The following AMER1 variants were observed in gnomAD, a reference collection of about 807,000 sequenced individuals.
The protein encoded by AMER1 is APC membrane recruitment protein 1, also known as RP11-403E24.2.
A neutral mutation model predicts 53.0 loss-of-function variants in AMER1; 16 were observed. The ratio of observed to expected loss-of-function variants is 0.30; its 90% CI spans 0.20 to 0.46. The LOEUF (loss-of-function observed/expected upper bound fraction) is 0.46. AMER1 is among the 20% of genes least tolerant of loss of function. The pLI is 1.00. For missense variants in AMER1, 947 were observed against 884.9 expected (o/e 1.07, Z -0.89); for synonymous variants, 354 against 331.9 (o/e 1.07, Z -0.73).
At position 64,189,510 on chromosome X, in the gene AMER1, G is replaced by GTA. The variant is rs1930184124; in HGVS notation, c.*368_*369insTA. The GTA allele has an allele frequency of 4.7e-5, 5 of 107,397 alleles. No individual in the cohort carries two copies. The highest frequency in any genetic ancestry group is 4.7e-5 in the Non-Finnish European group (4 of 85,871). 8.9% of individuals were successfully genotyped at this position (107,397 alleles called of 1,213,427 possible). A position where few individuals can be genotyped will look rare whatever the true frequency, so the allele number is the denominator to read the frequency against. ...TGTGTGTGTGTGTGTGTGTGTGTGT[G>GTA]TGTGTATATATATATATATATATAT... On this transcript the variant is annotated 3_prime_UTR_variant, in exon 2 of 2. Coordinates refer to ENST00000374869, the MANE Select transcript of AMER1 (RefSeq NM_152424.4).
intron 1 of AMER1, 87 bp downstream of exon 1, chrX:64,205,483 G>A (rs1423585061): frequency 8.9e-6 from 1 of 112,817 alleles, no homozygotes; most frequent in East Asian, 2.8e-4. Context: ...AGTCCTTAGT[G>A]CCCTCCTCCA....
rs1359565844 is a variant in AMER1, at chrX:64,186,807, C to A, written c.*3072G>T. The A allele has an allele frequency of 1.2e-5, 9 of 772,158 alleles. No individual in the cohort carries two copies. Among genetic ancestry groups the A allele is most frequent in the Non-Finnish European group, 1.4e-5 (9 of 650,332 alleles). 63.6% of individuals were successfully genotyped at this position (772,158 alleles called of 1,213,427 possible). A position where few individuals can be genotyped will look rare whatever the true frequency, so the allele number is the denominator to read the frequency against. ...AGACTCTAAAGCACCAAGAAACTGG[C>A]ATCCTGGCCCTGGGAGAGGCCTACT... On this transcript the variant is annotated 3_prime_UTR_variant, in exon 2 of 2. Coordinates refer to ENST00000374869, the MANE Select transcript of AMER1 (RefSeq NM_152424.4).
At position 64,187,089 on chromosome X, in the gene AMER1, T is replaced by G. The variant is rs752545444; in HGVS notation, c.*2790A>C. On this transcript the variant is annotated 3_prime_UTR_variant, in exon 2 of 2. Transcript: ENST00000374869. ...AACAGTTTTAGTGGTCTGGGGTGTA[T>G]TTGCTGCCACCCAAGCCAGCACTAG... The G allele has an allele frequency of 7.7e-6, 6 of 782,304 alleles. No homozygotes were observed. In the East Asian group the frequency reaches 4.2e-4, roughly 55 times the overall value. The allele number at this position is 782,304 out of a possible 1,213,427, so 64.5% of individuals were successfully genotyped here.
In AMER1 at chrX:64,187,756, C is replaced by T; in HGVS notation, c.*2123G>A. ...ATAGCCAGGCCAATTTCAGCCCCACCATCCCAGAGCAGCTTTGGTAAGAGG... is the reference window on the plus strand; with the variant it reads ...ATAGCCAGGCCAATTTCAGCCCCACTATCCCAGAGCAGCTTTGGTAAGAGG... On this transcript the variant is annotated 3_prime_UTR_variant, in exon 2 of 2. Transcript: ENST00000374869. 1.3e-6 allele frequency: 1 copy of T among 776,273 alleles called. No homozygotes were observed. The highest frequency in any genetic ancestry group is 9.0e-5 in the East Asian group (1 of 11,063). 64.0% of individuals were successfully genotyped at this position (776,273 alleles called of 1,213,427 possible).
chrX:64,186,720 C>A lies in AMER1; in HGVS notation c.*3159G>T. On this transcript the variant is annotated 3_prime_UTR_variant, in exon 2 of 2. Transcript: ENST00000374869. ...TCCGGGCAGTCTTGTGGCCTGGTAC[C>A]CAAGCTGAGGCCAGATAGGTAGGGC... is the stretch of plus-strand genomic sequence containing the variant. The A allele has an allele frequency of 1.4e-5, 11 of 776,057 alleles. No homozygotes were observed. The highest frequency in any genetic ancestry group is 1.2e-5 in the Non-Finnish European group (8 of 651,930). 64.0% of individuals were successfully genotyped at this position (776,057 alleles called of 1,213,427 possible). A position where few individuals can be genotyped will look rare whatever the true frequency, so the allele number is the denominator to read the frequency against.
Position 64,189,258 on chromosome X carries a change from C to T in AMER1, c.*621G>A. 1.3e-6 allele frequency: 1 copy of T among 795,058 alleles called. No individual in the cohort carries two copies. Among genetic ancestry groups the T allele is most frequent in the Non-Finnish European group, 1.5e-6 (1 of 664,760 alleles). 65.5% of individuals were successfully genotyped at this position (795,058 alleles called of 1,213,427 possible). On this transcript the variant is annotated 3_prime_UTR_variant, in exon 2 of 2. Coordinates refer to ENST00000374869, the MANE Select transcript of AMER1 (RefSeq NM_152424.4). ...ATCTGATATAATGATGGCAGCTATGCCAGGCCAAAAGGAATAGGGGTGGGG... is the reference window on the plus strand; with the variant it reads ...ATCTGATATAATGATGGCAGCTATGTCAGGCCAAAAGGAATAGGGGTGGGG...
At chrX:64,200,994 T>A (rs758698838) in intron 1 of AMER1, among the ~76,000 whole-genome samples, 1 of 110,890 alleles carries the variant, frequency 9.0e-6, no homozygotes, top group South Asian at 3.9e-4. Context: ...AGGGTTAGTA[T>A]CCACTTGGAA....
chrX:64,189,799 A>ACCCCCCCCCCCCCCCTCCCCC lies in AMER1; in HGVS notation c.*79_*80insGGGGGAGGGGGGGGGGGGGGG. 1 of 125,106 alleles carries ACCCCCCCCCCCCCCCTCCCCC rather than the reference A, an allele frequency of 8.0e-6. No individual in the cohort carries two copies. The highest frequency in any genetic ancestry group is 1.1e-4 in the African/African-American group (1 of 9,469). The allele number at this position is 125,106 out of a possible 1,213,427, so 10.3% of individuals were successfully genotyped here. A position where few individuals can be genotyped will look rare whatever the true frequency, so the allele number is the denominator to read the frequency against. On this transcript the variant is annotated 3_prime_UTR_variant, in exon 2 of 2. Transcript: ENST00000374869. ...GTTTTCAAGTTAAACAACAACCCCCACCCCCCCACCCTTCTGCCCAACCCC... is the reference window on the plus strand; with the variant it reads ...GTTTTCAAGTTAAACAACAACCCCCACCCCCCCCCCCCCCCTCCCCCCCCCCCCACCCTTCTGCCCAACCCC...
intron 1 of AMER1, among the ~76,000 whole-genome samples, chrX:64,200,717 G>T (rs1341633386): frequency 4.5e-5 from 5 of 111,476 alleles, no homozygotes; most frequent in Non-Finnish European, 9.4e-5. Context: ...TTACTGTTAG[G>T]CCTGGTTACC....
rs1167666179 is a variant in AMER1, at chrX:64,192,889, G to A, written c.398C>T (p.Ala133Val). The change falls in exon 2 of 2, where the codon GCC becomes GTC. Residue 133 changes from alanine (A) to valine (V), a missense_variant. Transcript: ENST00000374869. ...LPCQFPSSQSAHGALETGSRC... is the reference protein window; with the variant it reads ...LPCQFPSSQSVHGALETGSRC... ...GGAGCCTGTCTCCAAAGCCCCATGGGCACTCTGAGAGCTGGGAAATTGGCA... is the reference window on the plus strand; with the variant it reads ...GGAGCCTGTCTCCAAAGCCCCATGGACACTCTGAGAGCTGGGAAATTGGCA... The A allele has an allele frequency of 1.7e-6, 2 of 1,212,074 alleles. No homozygotes were observed. Among genetic ancestry groups the A allele is most frequent in the Admixed American group, 2.2e-5 (1 of 46,070 alleles).
In AMER1 at chrX:64,191,892, G is replaced by A; in HGVS notation, c.1395C>T (p.Pro465=). ...AGTCATAATAACCTTCATCACTATT[G>A]GGGGCGGATTCTTGCTGGTCACTCT... ...TPQSDQQESA[P]NSDEGYYDST... The change falls in exon 2 of 2, where the codon CCC becomes CCT. Residue 465 remains proline, a synonymous_variant. Coordinates refer to ENST00000374869, the MANE Select transcript of AMER1 (RefSeq NM_152424.4). 8.3e-7 allele frequency: 1 copy of A among 1,211,476 alleles called. No homozygotes were observed. The highest frequency in any genetic ancestry group is 1.1e-6 in the Non-Finnish European group (1 of 895,465).
Position 64,192,545 on chromosome X carries a change from G to T in AMER1, c.742C>A (p.Pro248Thr), listed in dbSNP as rs149688443. ...KVSPTPEPSP[P>T]ATEKMACKDP... ...TTACAGGCCATTTTCTCAGTAGCTG[G>T]TGGAGAAGGTTCTGGTGTTGGAGAA... The change falls in exon 2 of 2, where the codon CCA (proline) becomes ACA (threonine). Residue 248 changes from proline (P) to threonine (T), a missense_variant. By Grantham distance (38) the Pro-to-Thr change is conservative. Coordinates refer to ENST00000374869, the MANE Select transcript of AMER1 (RefSeq NM_152424.4). 2.0e-4 allele frequency: 236 copies of T among 1,203,731 alleles called. 1 individual carries two copies. The highest frequency in any genetic ancestry group is 2.5e-4 in the Non-Finnish European group (227 of 893,189).
Position 64,192,690 on chromosome X carries a change from C to A in AMER1, c.597G>T (p.Arg199Ser), listed in dbSNP as rs1930278809. Residue 199 changes from arginine to serine, a missense_variant, in exon 2 of 2, where the codon AGG (arginine) becomes AGT (serine). Arg to Ser is a moderately radical substitution (Grantham distance 110). Coordinates refer to ENST00000374869, the MANE Select transcript of AMER1 (RefSeq NM_152424.4). ...CGTGCTCATGAGGCCTGGCTCTGAC[C>A]CTCTCAGGCCCCTTGGCCCCTGGCT... is the stretch of plus-strand genomic sequence containing the variant. ...QSEPGAKGPE[R>S]VRARPHEHVS... 1 of 1,172,775 alleles carries A rather than the reference C, an allele frequency of 8.5e-7. No homozygotes were observed. The highest frequency in any genetic ancestry group is 1.8e-5 in the African/African-American group (1 of 56,360).
intron 1 of AMER1, 125 bp from the exon 2 acceptor site, chrX:64,193,509 G>T: frequency 2.0e-6 from 1 of 494,417 alleles, no homozygotes; most frequent in Non-Finnish European, 3.4e-6. Flanking sequence ...GAAAATGTGG[G>T]GCAAATCTTA....
At chrX:64,201,682 C>A (rs1930492504) in intron 1 of AMER1, among the ~76,000 whole-genome samples, 1 of 112,179 alleles carries the variant, frequency 8.9e-6, no homozygotes, top group South Asian at 3.7e-4. Context: ...GACATTCTCT[C>A]TTCTAGCCTC....
At chrX:64,195,398 A>C (rs1930344424) in intron 1 of AMER1, among the ~76,000 whole-genome samples, 2 of 112,351 alleles carry the variant, frequency 1.8e-5, no homozygotes, top group African/African-American at 3.2e-5. Context: ...GCTTCAGGGC[A>C]GGACAAGAAG....
In AMER1 at chrX:64,186,644, C is replaced by A. The variant is rs1930117642; in HGVS notation, c.*3235G>T. 1 of 771,389 alleles carries A rather than the reference C, an allele frequency of 1.3e-6. No homozygotes were observed. Among genetic ancestry groups the A allele is most frequent in the Non-Finnish European group, 1.5e-6 (1 of 650,316 alleles). The allele number at this position is 771,389 out of a possible 1,213,427, so 63.6% of individuals were successfully genotyped here. ...CTGAGTGTGTGAAGCTACTTCCCTTCTTGGCATAGGACTAAGGAGGGAGAG... is the reference window on the plus strand; with the variant it reads ...CTGAGTGTGTGAAGCTACTTCCCTTATTGGCATAGGACTAAGGAGGGAGAG... On this transcript the variant is annotated 3_prime_UTR_variant, in exon 2 of 2. Transcript: ENST00000374869.
In AMER1 at chrX:64,192,124, ACCTCTTCTT is replaced by A. The variant is rs587778022; in HGVS notation, c.1154_1162del (p.Glu385_Glu387del). On this transcript the variant is annotated inframe_deletion, in exon 2 of 2. Transcript: ENST00000374869. ...CTCCTCTTCTTCCTCCTCTAATTCC[ACCTCTTCTT>A]CCTCTTCTTCCTCCTCGTCATCATC... 503 of 1,204,948 alleles carry A rather than the reference ACCTCTTCTT, an allele frequency of 4.2e-4. 1 individual carries two copies. Among genetic ancestry groups the A allele is most frequent in the Non-Finnish European group, 8.2e-5 (73 of 892,631 alleles).
At chrX:64,200,557 A>G (rs1290638590) in intron 1 of AMER1, among the ~76,000 whole-genome samples, 1 of 111,987 alleles carries the variant, frequency 8.9e-6, no homozygotes, top group Non-Finnish European at 1.9e-5. Flanking sequence ...GTTTCTTCAT[A>G]TAGAAATGGG....
Sources: gnomAD v4.1 joint callset for allele counts (sites outside exome capture counted in the v4.1 genomes callset) on GRCh38, gnomAD v4.1.1 for gene constraint, MANE v1.5 for transcripts, NCBI Gene and HGNC (gene_info 2026-07-23, HGNC 2026-07-21) for gene names.